PCDHGB1: variants seen among roughly 807,000 people sequenced by gnomAD.
PCDHGB1 encodes the protein protocadherin gamma subfamily B, 1.
Under a neutral mutation model 56.6 loss-of-function variants are expected in PCDHGB1, and 34 were observed. That is an observed-to-expected ratio of 0.60 (90% CI 0.46 to 0.80). The LOEUF (loss-of-function observed/expected upper bound fraction) is 0.80. Among genes scored for constraint, PCDHGB1 ranks in the 30% least tolerant of loss-of-function variants. The probability of loss-of-function intolerance (pLI) is 0.00; values close to 1 mark genes in which losing one functional copy is unlikely to be tolerated. For missense variants in PCDHGB1, 1,278 were observed against 1,204.6 expected, an observed-to-expected ratio of 1.06 and a Z score of -0.90; for synonymous variants, 561 against 505.9, an observed-to-expected ratio of 1.11 and a Z score of -1.46.
At chr5:141,499,707 T>G (rs1303008532) in intron 2 of PCDHGB1, among the ~76,000 whole-genome samples, 2 of 150,494 alleles carry the variant, frequency 1.3e-5, no homozygotes, top group African/African-American at 2.5e-5. Flanking sequence ...TTTTTTTTTT[T>G]TTTTGGAGAC....
rs1373678836 is a variant in PCDHGB1, at chr5:141,477,459, C to T, written c.2410-17348C>T. 6.2e-7 allele frequency: 1 copy of T among 1,614,186 alleles called. No homozygotes were observed. The highest frequency in any genetic ancestry group is 8.5e-7 in the Non-Finnish European group (1 of 1,180,034). On this transcript the variant is annotated intron_variant, in intron 1 of 3. Coordinates refer to ENST00000523390, the MANE Select transcript of PCDHGB1 (RefSeq NM_018922.3). This position sits in a 1 kb window ranked among gnomAD's most constrained non-coding sequence, Gnocchi z 4.9. ...CTTACAATAGTGCGTGTTCAAGTGTCCGACATCAATGACAACCCTCCACAA... is the reference window on the plus strand; with the variant it reads ...CTTACAATAGTGCGTGTTCAAGTGTTCGACATCAATGACAACCCTCCACAA...
rs775752238 is a variant in PCDHGB1 at position 141,361,764 on chromosome 5, C to T, written c.2409+9095C>T. On this transcript the variant is annotated intron_variant, in intron 1 of 3. Coordinates refer to ENST00000523390, the MANE Select transcript of PCDHGB1 (RefSeq NM_018922.3). ...GCGACCAGGGCTCGCCCGCGCTCAG[C>T]GCCAACGTGAGCCTGCGCGTGTTAG... 9 of 1,613,132 alleles carry T rather than the reference C, an allele frequency of 5.6e-6. No individual in the cohort carries two copies. The Admixed American group carries it at 1.5e-4, about 27-fold the overall frequency.
chr5:141,426,958 C>A (rs1176636556), intron 1 of PCDHGB1: 1 of 456,728 alleles, frequency 2.2e-6, no homozygotes, highest in South Asian at 1.5e-5. Context: ...GGCACTGCTG[C>A]AATTCAAATT....
intron 1 of PCDHGB1, chr5:141,403,391 G>GT (rs2154533404): frequency 1.2e-6 from 2 of 1,614,046 alleles, no homozygotes; most frequent in Admixed American, 3.3e-5. Flanking sequence ...CGAAATCGCG[G>GT]TTCCTGGAGC....
In PCDHGB1 at chr5:141,476,303, G is replaced by T. The variant is rs747567754; in HGVS notation, c.2410-18504G>T. ...TGGTTTGGATCTCGGTAGCCTCTCA[G>T]CCCGCAGGTTCCGGGTGGTGTCTGG... is the stretch of plus-strand genomic sequence containing the variant. On this transcript the variant is annotated intron_variant, in intron 1 of 3. Coordinates refer to ENST00000523390, the MANE Select transcript of PCDHGB1 (RefSeq NM_018922.3). The surrounding 1 kb of genome is among the most constrained non-coding windows in gnomAD (Gnocchi z 7.6). 6.2e-7 allele frequency: 1 copy of T among 1,613,872 alleles called. No individual in the cohort carries two copies. Among genetic ancestry groups the T allele is most frequent in the Admixed American group, 1.7e-5 (1 of 60,000 alleles).
intron 1 of PCDHGB1, chr5:141,399,954 G>A (rs1327007587): frequency 3.7e-6 from 6 of 1,612,110 alleles, no homozygotes; most frequent in Non-Finnish European, 4.2e-6. Context: ...AGGCTAGCGA[G>A]CCCGGGCTCT....
Position 141,413,494 on chromosome 5 carries a change from G to T in PCDHGB1, c.2409+60825G>T, listed in dbSNP as rs778441176. On this transcript the variant is annotated intron_variant, in intron 1 of 3. Transcript: ENST00000523390. ...GCTCTGCGCTCAGAGCGCGCGGTGCGTGGTGAGTTTTAATATCCTTGTGGA... is the reference window on the plus strand; with the variant it reads ...GCTCTGCGCTCAGAGCGCGCGGTGCTTGGTGAGTTTTAATATCCTTGTGGA... The T allele has an allele frequency of 5.0e-6, 8 of 1,614,042 alleles. No individual in the cohort carries two copies. The East Asian group carries it at 1.3e-4, about 27-fold the overall frequency.
chr5:141,472,556 T>A (rs2099287889), intron 1 of PCDHGB1, among the ~76,000 whole-genome samples: 1 of 151,628 alleles, frequency 6.6e-6, no homozygotes, highest in South Asian at 2.1e-4. Flanking sequence ...AAAAAAATTA[T>A]ATTATAAATG....
At chr5:141,418,876 C>A (rs917800201) in intron 1 of PCDHGB1, 1 of 1,613,844 alleles carries the variant, frequency 6.2e-7, no homozygotes. Context: ...AAGTTGTAGA[C>A]GAAAACGACA....
intron 1 of PCDHGB1, among the ~76,000 whole-genome samples, chr5:141,447,405 T>C (rs1045202682): frequency 6.6e-6 from 1 of 152,068 alleles, no homozygotes; most frequent in Non-Finnish European, 1.5e-5. Context: ...CCCAAAGTGC[T>C]GGGATTACAG....
At chr5:141,481,747 T>A (rs1319673737) in intron 1 of PCDHGB1, among the ~76,000 whole-genome samples, 3 of 151,684 alleles carry the variant, frequency 2.0e-5, no homozygotes, top group African/African-American at 7.3e-5. Flanking sequence ...AGGTCAGGAG[T>A]CCAAGACCAG....
Position 141,476,008 on chromosome 5 carries a change from G to T in PCDHGB1, c.2410-18799G>T. 1 of 1,282,144 alleles carries T rather than the reference G, an allele frequency of 7.8e-7. No homozygotes were observed. Among genetic ancestry groups the T allele is most frequent in the Non-Finnish European group, 1.1e-6 (1 of 935,996 alleles). 79.4% of individuals were successfully genotyped at this position (1,282,144 alleles called of 1,614,324 possible). On this transcript the variant is annotated intron_variant, in intron 1 of 3. Coordinates refer to ENST00000523390, the MANE Select transcript of PCDHGB1 (RefSeq NM_018922.3). This position sits in a 1 kb window ranked among gnomAD's most constrained non-coding sequence, Gnocchi z 7.6. ...CGAGCAAATCAACGGCATCCAGAAA[G>T]CCATGTCGGACTCGGCGCCCAGCGC... is the stretch of plus-strand genomic sequence containing the variant.
chr5:141,403,201 C>G (rs1486888915), intron 1 of PCDHGB1: 1 of 1,614,002 alleles, frequency 6.2e-7, no homozygotes, highest in East Asian at 2.2e-5. Context: ...GCAGCGGCAC[C>G]TTGGTCACCG....
At position 141,351,917 on chromosome 5, in the gene PCDHGB1, G is replaced by A; in HGVS notation, c.1657G>A (p.Asp553Asn). 1 of 1,613,382 alleles carries A rather than the reference G, an allele frequency of 6.2e-7. No homozygotes were observed. Residue 553 changes from aspartate (D) to asparagine (N), a missense_variant, in exon 1 of 4, where the codon GAC becomes AAC. Coordinates refer to ENST00000523390, the MANE Select transcript of PCDHGB1 (RefSeq NM_018922.3). Reference protein sequence around the residue: ...SLRVLVGDLNDNAPRVLYPAL... With the variant: ...SLRVLVGDLNNNAPRVLYPAL... ...GCGCGTGTTGGTGGGCGACCTCAAT[G>A]ACAATGCGCCACGGGTGCTGTACCC...
chr5:141,506,444 CAAAAA>C (rs1219684339), intron 3 of PCDHGB1, among the ~76,000 whole-genome samples: 4 of 95,024 alleles, frequency 4.2e-5, no homozygotes, highest in Admixed American at 1.1e-4. Flanking sequence ...CGCTCTGTCT[CAAAAA>C]AAAAAAAAAA....
At chr5:141,361,847 G>A (rs763425262) in intron 1 of PCDHGB1, 2 of 1,612,544 alleles carry the variant, frequency 1.2e-6, no homozygotes, top group South Asian at 1.1e-5. Context: ...GGGCCTGATG[G>A]CTCCGCCCTC....
intron 2 of PCDHGB1, among the ~76,000 whole-genome samples, chr5:141,503,998 A>G (rs746158378): frequency 4.6e-5 from 7 of 152,104 alleles, no homozygotes; most frequent in Admixed American, 1.3e-4. Context: ...CCTTACAGTC[A>G]CTTAACTGTC....
chr5:141,422,629 A>C lies in PCDHGB1; in HGVS notation c.2409+69960A>C, dbSNP rs780472571. 1.9e-6 allele frequency: 3 copies of C among 1,613,270 alleles called. No homozygotes were observed. The Admixed American group carries it at 5.0e-5, about 27-fold the overall frequency. Reference sequence around the variant, plus strand: ...TGCCTACATTCCCGAAAACAACCCCAGGGGTGCCTCCATCTTCTCAGTGAC... The same window carrying C: ...TGCCTACATTCCCGAAAACAACCCCCGGGGTGCCTCCATCTTCTCAGTGAC... On this transcript the variant is annotated intron_variant, in intron 1 of 3. Transcript: ENST00000523390.
intron 1 of PCDHGB1, chr5:141,365,132 G>T: frequency 1.9e-6 from 3 of 1,613,884 alleles, no homozygotes; most frequent in Admixed American, 1.7e-5. Flanking sequence ...AACCGCCACG[G>T]ATCCAGATGA....
Sources: allele counts gnomAD v4.1 joint callset (sites outside exome capture counted in the v4.1 genomes callset), GRCh38; gene constraint gnomAD v4.1.1; non-coding constraint Gnocchi (gnomAD v3.1); transcripts MANE v1.5; gene names NCBI Gene and HGNC (gene_info 2026-07-23, HGNC 2026-07-21).